The following FBXL17 variants were observed in gnomAD, a reference collection of about 807,000 sequenced individuals.
FBXL17 encodes the protein F-box and leucine rich repeat protein 17, also known as F-box/LRR-repeat protein 17.
A neutral mutation model predicts 66.2 loss-of-function variants in FBXL17; 22 were observed. The ratio of observed to expected loss-of-function variants is 0.33; its 90% confidence interval spans 0.24 to 0.47. The LOEUF (loss-of-function observed/expected upper bound fraction) is 0.47, where lower values mean the gene tolerates loss of function less well. Ranked by LOEUF, FBXL17 falls within the 20% of genes least tolerant of loss-of-function variation. FBXL17 has a pLI of 1.00. For synonymous variants in FBXL17, 474 were observed against 400.5 expected (o/e 1.18, Z -2.19); for missense variants, 878 against 948.2 (o/e 0.93, Z 0.97).
At chr5:108,239,252 G>A (rs535286976) in intron 4 of FBXL17, among the ~76,000 whole-genome samples, 19 of 152,302 alleles carry the variant, frequency 1.2e-4, no homozygotes, top group East Asian at 1.9e-4. Flanking sequence ...AAACTCAGGT[G>A]AGTGATCACA....
At chr5:108,083,962 C>G (rs75728450) in intron 6 of FBXL17, among the ~76,000 whole-genome samples, 1,790 of 152,210 alleles carry the variant, frequency 0.012, 31 homozygotes, top group African/African-American at 0.04. Flanking sequence ...ACAAAAGAAA[C>G]TTTGAAAATG....
chr5:108,020,810 A>G (rs1430494973), intron 7 of FBXL17, 115 bp downstream of exon 7: 5 of 722,154 alleles, frequency 6.9e-6, no homozygotes, highest in Non-Finnish European at 1.2e-5. Context: ...CACAATGAGC[A>G]TAAGTGACGA....
chr5:108,156,634 T>C (rs1752008334), intron 6 of FBXL17, among the ~76,000 whole-genome samples: 1 of 152,020 alleles, frequency 6.6e-6, no homozygotes, highest in Non-Finnish European at 1.5e-5. Context: ...AAATTATAAA[T>C]GTGTTGTTAT....
intron 1 of FBXL17, among the ~76,000 whole-genome samples, chr5:108,375,297 T>C (rs954983736): frequency 2.0e-5 from 3 of 151,908 alleles, no homozygotes; most frequent in Admixed American, 1.3e-4. Context: ...AGTTTAAGGC[T>C]GCACTTCCAT....
Position 108,382,098 on chromosome 5 carries a change from T to C in FBXL17, c.-407A>G, listed in dbSNP as rs1011508666. 1.0e-5 allele frequency: 4 copies of C among 399,994 alleles called. No individual in the cohort carries two copies. Among genetic ancestry groups the C allele is most frequent in the Non-Finnish European group, 1.4e-5 (4 of 292,300 alleles). 24.8% of individuals were successfully genotyped at this position (399,994 alleles called of 1,614,324 possible). On this transcript the variant is annotated 5_prime_UTR_variant, in exon 1 of 9. Coordinates refer to ENST00000542267, the MANE Select transcript of FBXL17 (RefSeq NM_001163315.3). ...CCGCCGGCGCGCGCACCCGCGACTC[T>C]GCTCGGAGCCGCAGGAGCGCGCGGC...
chr5:108,319,233 G>T (rs1759508299), intron 4 of FBXL17, among the ~76,000 whole-genome samples: 1 of 151,824 alleles, frequency 6.6e-6, no homozygotes, highest in Non-Finnish European at 1.5e-5. Flanking sequence ...AAATTAACAT[G>T]AGAGAAAAGC....
intron 6 of FBXL17, among the ~76,000 whole-genome samples, chr5:108,046,061 C>T (rs907665393): frequency 6.6e-6 from 1 of 152,150 alleles, no homozygotes; most frequent in Non-Finnish European, 1.5e-5. Flanking sequence ...GTGCTGATGT[C>T]TCCAACTACA....
intron 6 of FBXL17, among the ~76,000 whole-genome samples, chr5:108,074,577 T>A (rs552995077): frequency 6.6e-6 from 1 of 152,248 alleles, no homozygotes; most frequent in African/African-American, 2.4e-5. Flanking sequence ...AAAGTACACA[T>A]GAAAGGATCT....
intron 7 of FBXL17, among the ~76,000 whole-genome samples, chr5:108,015,942 T>C (rs1754369224): frequency 6.6e-6 from 1 of 152,184 alleles, no homozygotes; most frequent in South Asian, 2.1e-4. Context: ...ATAAGCAGGC[T>C]AGCCTGTCCT....
intron 3 of FBXL17, among the ~76,000 whole-genome samples, chr5:108,357,563 A>G (rs1748080718): frequency 6.6e-6 from 1 of 152,038 alleles, no homozygotes; most frequent in Admixed American, 6.6e-5. Context: ...ATATTCACCA[A>G]AACAAACCAC....
chr5:108,130,699 T>A (rs978173357), intron 6 of FBXL17, among the ~76,000 whole-genome samples: 3 of 152,030 alleles, frequency 2.0e-5, no homozygotes, highest in Non-Finnish European at 4.4e-5. Context: ...ATATCCTACT[T>A]TATTTTTTTA....
chr5:108,104,910 C>T (rs1472250353), intron 6 of FBXL17, among the ~76,000 whole-genome samples: 4 of 152,034 alleles, frequency 2.6e-5, no homozygotes, highest in Non-Finnish European at 4.4e-5. Flanking sequence ...GGTGCCATCT[C>T]GGCTCACTGC....
At chr5:108,025,447 A>G (rs1754764318) in intron 6 of FBXL17, among the ~76,000 whole-genome samples, 1 of 152,184 alleles carries the variant, frequency 6.6e-6, no homozygotes, top group Admixed American at 6.5e-5. Context: ...AAGAACTATG[A>G]AGAGTGTCGT....
chr5:108,258,914 C>T (rs943280051), intron 4 of FBXL17, among the ~76,000 whole-genome samples: 4 of 151,750 alleles, frequency 2.6e-5, no homozygotes, highest in Non-Finnish European at 5.9e-5. Context: ...ACATAATAAA[C>T]ATAATAGATA....
At chr5:108,334,010 T>C (rs774761426) in intron 4 of FBXL17, among the ~76,000 whole-genome samples, 6 of 152,200 alleles carry the variant, frequency 3.9e-5, no homozygotes, top group Admixed American at 6.5e-5. Flanking sequence ...TTGAGAAATG[T>C]AGAGTTTGAT....
chr5:107,915,434 C>A (rs1750096582), intron 7 of FBXL17, among the ~76,000 whole-genome samples: 2 of 152,094 alleles, frequency 1.3e-5, no homozygotes, highest in African/African-American at 4.8e-5. Context: ...AACGTTTTCC[C>A]AGACTGGGTA....
At position 107,860,725 on chromosome 5, in the gene FBXL17, A is replaced by C. The variant is rs574445530; in HGVS notation, c.*995T>G. ...CAAAAAGAGCAACAACAGTAGAAAG[A>C]TTGTCTACTTATATCTCACTCATGA... On this transcript the variant is annotated 3_prime_UTR_variant, in exon 9 of 9. Coordinates refer to ENST00000542267, the MANE Select transcript of FBXL17 (RefSeq NM_001163315.3). 6.5e-6 allele frequency: 1 copy of C among 152,734 alleles called. No individual in the cohort carries two copies. Among genetic ancestry groups the C allele is most frequent in the Non-Finnish European group, 1.5e-5 (1 of 68,022 alleles). The allele number at this position is 152,734 out of a possible 1,614,324, so 9.5% of individuals were successfully genotyped here. A position where few individuals can be genotyped will look rare whatever the true frequency, so the allele number is the denominator to read the frequency against.
intron 6 of FBXL17, among the ~76,000 whole-genome samples, chr5:108,142,876 C>G (rs1751405742): frequency 6.6e-6 from 1 of 151,830 alleles, no homozygotes; most frequent in Non-Finnish European, 1.5e-5. Context: ...GGATGAATAC[C>G]TAATGTAGAT....
chr5:107,881,228 G>T (rs1748780616), intron 7 of FBXL17, 49 bp from the exon 8 acceptor site: 1 of 1,141,706 alleles, frequency 8.8e-7, no homozygotes, highest in South Asian at 1.8e-5. Flanking sequence ...GTGTAAGGGA[G>T]CTCTATCTTA....
Sources: allele counts gnomAD v4.1 joint callset (sites outside exome capture counted in the v4.1 genomes callset), GRCh38; gene constraint gnomAD v4.1.1; transcripts MANE v1.5; gene names NCBI Gene and HGNC (gene_info 2026-07-23, HGNC 2026-07-21).